Variants in CDK14 observed in about 807,000 individuals in gnomAD.
CDK14 encodes the protein cyclin-dependent kinase 14.
CDK14 carries 34 observed loss-of-function variants against 60.7 expected under a neutral mutation model. That is an observed-to-expected ratio of 0.56 (90% CI 0.43 to 0.75). CDK14 has a LOEUF of 0.75. Ranked by LOEUF, CDK14 falls within the 30% of genes least tolerant of loss-of-function variation. CDK14 has a pLI of 0.00. For synonymous variants in CDK14, 197 were observed against 203.7 expected (o/e 0.97, Z 0.28); for missense variants, 482 against 564.1 (o/e 0.85, Z 1.47).
intron 5 of CDK14, among the ~76,000 whole-genome samples, chr7:90,858,260 T>A (rs1436945177): frequency 1.3e-5 from 2 of 152,174 alleles, no homozygotes; most frequent in Non-Finnish European, 2.9e-5. Flanking sequence ...AGGAATTTGA[T>A]TTTACTGAAA....
intron 14 of CDK14, among the ~76,000 whole-genome samples, chr7:91,128,221 A>G (rs1800010622): frequency 6.6e-6 from 1 of 152,212 alleles, no homozygotes; most frequent in Admixed American, 6.5e-5. Flanking sequence ...TGTTTTATCA[A>G]GCAGCCTCAG....
At chr7:90,893,363 G>A (rs1024934248) in intron 6 of CDK14, among the ~76,000 whole-genome samples, 11 of 152,180 alleles carry the variant, frequency 7.2e-5, no homozygotes, top group South Asian at 4.1e-4. Flanking sequence ...TTGGATATGC[G>A]TAGTTACCAG....
At chr7:91,109,890 GA>G (rs1799423710) in intron 12 of CDK14, among the ~76,000 whole-genome samples, 1 of 152,002 alleles carries the variant, frequency 6.6e-6, no homozygotes, top group Admixed American at 6.6e-5. Flanking sequence ...ATTAAAGACT[GA>G]ATTTACCAAG....
chr7:91,086,777 T>C, intron 12 of CDK14, among the ~76,000 whole-genome samples: 1 of 152,172 alleles, frequency 6.6e-6, no homozygotes, highest in East Asian at 1.9e-4. Context: ...TTACCTCTCC[T>C]TATGTAAAAG....
intron 10 of CDK14, among the ~76,000 whole-genome samples, chr7:91,005,963 G>A (rs931392126): frequency 6.6e-6 from 1 of 152,172 alleles, no homozygotes. Context: ...GATCTGACTC[G>A]GTTCATAAAG....
At chr7:91,122,729 C>T (rs370058469) in intron 14 of CDK14, among the ~76,000 whole-genome samples, 1 of 152,338 alleles carries the variant, frequency 6.6e-6, no homozygotes, top group African/African-American at 2.4e-5. Context: ...TGTCCCTCTA[C>T]TTCTGGGGCA....
chr7:91,073,924 A>G (rs1171371989), intron 11 of CDK14, among the ~76,000 whole-genome samples: 1 of 152,212 alleles, frequency 6.6e-6, no homozygotes, highest in Non-Finnish European at 1.5e-5. Context: ...ACATGATGAT[A>G]AACAGTACAA....
At chr7:90,623,143 C>CT (rs1290100497) in intron 2 of CDK14, among the ~76,000 whole-genome samples, 1 of 151,408 alleles carries the variant, frequency 6.6e-6, no homozygotes, top group Non-Finnish European at 1.5e-5. Context: ...CTTCCGTAAT[C>CT]TTTTTTCTTT....
At chr7:91,144,782 T>G (rs1359985701) in intron 14 of CDK14, among the ~76,000 whole-genome samples, 1 of 152,116 alleles carries the variant, frequency 6.6e-6, no homozygotes, top group Non-Finnish European at 1.5e-5. Flanking sequence ...TTGGAAAAAT[T>G]GTTAAAAACA....
intron 14 of CDK14, among the ~76,000 whole-genome samples, chr7:91,128,208 G>A (rs1408971651): frequency 6.6e-6 from 1 of 152,102 alleles, no homozygotes; most frequent in Non-Finnish European, 1.5e-5. Flanking sequence ...AATAGCCAAG[G>A]CTTGTTTTAT....
intron 6 of CDK14, among the ~76,000 whole-genome samples, chr7:90,877,136 A>G (rs1791588034): frequency 3.9e-5 from 6 of 152,242 alleles, no homozygotes; most frequent in Admixed American, 3.9e-4. Flanking sequence ...TTTAAAGCCA[A>G]TGAGAACCTT....
chr7:91,023,810 G>A (rs1487839011), intron 10 of CDK14, among the ~76,000 whole-genome samples: 1 of 152,084 alleles, frequency 6.6e-6, no homozygotes, highest in Non-Finnish European at 1.5e-5. Context: ...CTGTCACCCA[G>A]GCTGAAGTGC....
At chr7:91,004,186 CAT>C (rs1795917400) in intron 10 of CDK14, among the ~76,000 whole-genome samples, 2 of 152,104 alleles carry the variant, frequency 1.3e-5, no homozygotes, top group South Asian at 2.1e-4. Flanking sequence ...AAATTGAAAA[CAT>C]AAAACCAGTA....
At chr7:90,724,494 T>G (rs373972451) in intron 2 of CDK14, among the ~76,000 whole-genome samples, 20 of 151,754 alleles carry the variant, frequency 1.3e-4, no homozygotes, top group African/African-American at 4.8e-4. Context: ...TTATTTATTT[T>G]TTTTTTAGTA....
intron 14 of CDK14, among the ~76,000 whole-genome samples, chr7:91,180,713 C>T (rs1801975325): frequency 6.6e-6 from 1 of 152,086 alleles, no homozygotes; most frequent in Admixed American, 6.5e-5. Context: ...GAACCCATGC[C>T]AGGGGTGTTT....
intron 14 of CDK14, among the ~76,000 whole-genome samples, chr7:91,191,187 A>T (rs551673648): frequency 1.3e-5 from 2 of 152,044 alleles, no homozygotes; most frequent in Non-Finnish European, 2.9e-5. Context: ...TTACTTTTGG[A>T]CTTTCTACAG....
chr7:90,987,019 CTG>C (rs960379624), intron 10 of CDK14, among the ~76,000 whole-genome samples: 2 of 69,120 alleles, frequency 2.9e-5, no homozygotes, highest in Non-Finnish European at 6.5e-5. Flanking sequence ...TGTTATATAA[CTG>C]AGATATATTA....
intron 1 of CDK14, among the ~76,000 whole-genome samples, chr7:90,597,892 C>T (rs1267966686): frequency 7.4e-6 from 1 of 134,478 alleles, no homozygotes; most frequent in Non-Finnish European, 1.6e-5. Flanking sequence ...CAAAATCTTT[C>T]CCCAGATGAC....
chr7:91,147,337 A>C (rs1228819982), intron 14 of CDK14, among the ~76,000 whole-genome samples: 7 of 152,088 alleles, frequency 4.6e-5, no homozygotes, highest in African/African-American at 1.7e-4. Flanking sequence ...TTAGAAAGAA[A>C]GTCCAACTAA....
Sources: allele counts gnomAD v4.1 joint callset (sites outside exome capture counted in the v4.1 genomes callset), GRCh38; gene constraint gnomAD v4.1.1; transcripts MANE v1.5; gene names NCBI Gene and HGNC (gene_info 2026-07-23, HGNC 2026-07-21).